The following CEP43 variants were observed in gnomAD, a reference collection of about 807,000 sequenced individuals.
The protein encoded by CEP43 is FGFR1 oncogene partner.
In CEP43, 36 loss-of-function variants were observed where a neutral mutation model predicts 52.6. That is an observed-to-expected ratio of 0.68 (90% CI 0.52 to 0.90). The LOEUF (loss-of-function observed/expected upper bound fraction) is 0.90, where lower values mean the gene tolerates loss of function less well. CEP43 is among the 40% of genes least tolerant of loss of function. CEP43 has a pLI of 0.00. For missense variants in CEP43, 506 were observed against 472.8 expected, an observed-to-expected ratio of 1.07 and a Z score of -0.65; for synonymous variants, 192 against 172.4, an observed-to-expected ratio of 1.11 and a Z score of -0.89.
chr6:167,023,735 A>G (rs2128664521), intron 8 of CEP43, among the ~76,000 whole-genome samples: 1 of 152,196 alleles, frequency 6.6e-6, no homozygotes, highest in Non-Finnish European at 1.5e-5. Flanking sequence ...GAACCAGGAG[A>G]GTGGTGTCTG....
chr6:167,003,398 T>C (rs1487027554), intron 3 of CEP43, 151 bp downstream of exon 3: 17 of 520,754 alleles, frequency 3.3e-5, no homozygotes, highest in Non-Finnish European at 5.3e-5. Flanking sequence ...ACAACAATCG[T>C]GTTGCTATTA....
At chr6:167,024,724 A>G (rs1189835446) in intron 8 of CEP43, 58 bp from the exon 9 acceptor site, 12 of 1,158,850 alleles carry the variant, frequency 1.0e-5, no homozygotes, top group Non-Finnish European at 1.3e-6. Flanking sequence ...GTGGCAGAAT[A>G]AAAGTGTTTA....
intron 1 of CEP43, 160 bp downstream of exon 1, chr6:166,999,674 C>T: frequency 2.0e-6 from 1 of 498,204 alleles, no homozygotes; most frequent in South Asian, 3.8e-5. Context: ...CTGCCCGCCC[C>T]ACAGAGGGGG....
rs1279311596 is a variant in CEP43, at chr6:167,048,995, G to T, written c.*9017G>T. 1 of 152,186 alleles carries T rather than the reference G, an allele frequency of 6.6e-6. No homozygotes were observed. The highest frequency in any genetic ancestry group is 1.5e-5 in the Non-Finnish European group (1 of 68,020). The allele number at this position is 152,186 out of a possible 1,614,324, so 9.4% of individuals were successfully genotyped here. ...CTCTCAAGAATTAAAAATCATTTTT[G>T]ATCAACAGAGTAAACTGATTTTTTA... On this transcript the variant is annotated 3_prime_UTR_variant, in exon 13 of 13. Transcript: ENST00000366847.
rs537067117 is a variant in CEP43, at chr6:167,020,357, T to G, written c.580-2052T>G. On this transcript the variant is annotated intron_variant, in intron 7 of 12. Transcript: ENST00000366847. ...TCAACTAGTCAAGACCTCTACCTGG[T>G]GTAAAGATGTAAACGTATATCATAA... Among the ~76,000 whole-genome samples, 30 of 152,334 alleles carry G rather than the reference T, an allele frequency of 2.0e-4. No individual in the cohort carries two copies. In the South Asian group the frequency reaches 6.2e-3, roughly 32 times the overall value.
chr6:167,040,749 T>TACCA lies in CEP43; in HGVS notation c.*772_*773insCCAA. The TACCA allele has an allele frequency of 9.9e-7, 1 of 1,012,130 alleles. No homozygotes were observed. The highest frequency in any genetic ancestry group is 1.2e-6 in the Non-Finnish European group (1 of 841,908). The allele number at this position is 1,012,130 out of a possible 1,614,324, so 62.7% of individuals were successfully genotyped here. On this transcript the variant is annotated 3_prime_UTR_variant, in exon 13 of 13. Transcript: ENST00000366847. ...TTATCTGTAAAGATTCCTTGAAACTTAAATGCATCTGAAACCATTAAGCAG... is the reference window on the plus strand; with the variant it reads ...TTATCTGTAAAGATTCCTTGAAACTTACCAAAATGCATCTGAAACCATTAAGCAG...
intron 12 of CEP43, chr6:167,036,555 A>T (rs1474916993): frequency 1.0e-6 from 1 of 985,328 alleles, no homozygotes; most frequent in Non-Finnish European, 1.2e-6. Flanking sequence ...AATGCATAGC[A>T]ATCTAATTCA....
At chr6:167,027,747 T>A in intron 10 of CEP43, 1 of 469,924 alleles carries the variant, frequency 2.1e-6, no homozygotes, top group Non-Finnish European at 2.8e-6. Flanking sequence ...CTGCCTTGTT[T>A]TAAAGAGTAA....
At chr6:167,016,387 G>C (rs1341617924) in intron 7 of CEP43, among the ~76,000 whole-genome samples, 1 of 152,110 alleles carries the variant, frequency 6.6e-6, no homozygotes, top group African/African-American at 2.4e-5. Flanking sequence ...TGGGTAGCTA[G>C]GACAACAGGT....
At chr6:167,003,896 C>T (rs1305580208) in intron 4 of CEP43, 85 bp downstream of exon 4, 11 of 812,608 alleles carry the variant, frequency 1.4e-5, no homozygotes, top group Non-Finnish European at 2.0e-5. Context: ...TAGAATTTGA[C>T]AACTGATAGT....
In CEP43 at chr6:167,044,092, A is replaced by T. The variant is rs902831350; in HGVS notation, c.*4114A>T. 1.3e-5 allele frequency: 2 copies of T among 152,220 alleles called. No homozygotes were observed. Among genetic ancestry groups the T allele is most frequent in the African/African-American group, 4.8e-5 (2 of 41,424 alleles). 9.4% of individuals were successfully genotyped at this position (152,220 alleles called of 1,614,324 possible). ...CCTATGAGGAAACAGGCCCTCCCAG[A>T]TGGTGAACCTGCCGGTACCTTGATC... On this transcript the variant is annotated 3_prime_UTR_variant, in exon 13 of 13. Transcript: ENST00000366847.
In CEP43 at chr6:167,010,886, C is replaced by A; in HGVS notation, c.512C>A (p.Pro171Gln). Reference sequence around the variant, plus strand: ...GGAAAAACAAGTGCACAGACAACACCAAGTAAGGTGAGTTAGCTGTGGAAC... The same window carrying A: ...GGAAAAACAAGTGCACAGACAACACAAAGTAAGGTGAGTTAGCTGTGGAAC... ...PEGKTSAQTT[P>Q]SKIPRYKGQG... Residue 171 changes from proline to glutamine, a missense_variant, in exon 6 of 13, where the codon CCA becomes CAA. Coordinates refer to ENST00000366847, the MANE Select transcript of CEP43 (RefSeq NM_007045.4). 1 of 1,590,140 alleles carries A rather than the reference C, an allele frequency of 6.3e-7. No individual in the cohort carries two copies. The highest frequency in any genetic ancestry group is 8.6e-7 in the Non-Finnish European group (1 of 1,167,334).
Position 167,040,989 on chromosome 6 carries a change from A to C in CEP43, c.*1011A>C. The stretch of plus-strand genomic sequence containing the variant: ...ATTATGTAGGTCACGGATGTTTATA[A>C]TACTAAAGTATTTTAAAATGTGCAA... On this transcript the variant is annotated 3_prime_UTR_variant, in exon 13 of 13. Coordinates refer to ENST00000366847, the MANE Select transcript of CEP43 (RefSeq NM_007045.4). The C allele has an allele frequency of 2.0e-6, 2 of 1,025,424 alleles. No individual in the cohort carries two copies. Among genetic ancestry groups the C allele is most frequent in the Non-Finnish European group, 2.3e-6 (2 of 853,074 alleles). 63.5% of individuals were successfully genotyped at this position (1,025,424 alleles called of 1,614,324 possible).
At chr6:167,035,049 A>C (rs1400757550) in intron 12 of CEP43, among the ~76,000 whole-genome samples, 2 of 152,180 alleles carry the variant, frequency 1.3e-5, no homozygotes, top group African/African-American at 4.8e-5. Context: ...AGGATTTGTG[A>C]AATGACGTGG....
intron 10 of CEP43, among the ~76,000 whole-genome samples, chr6:167,031,134 C>T: frequency 6.6e-6 from 1 of 152,174 alleles, no homozygotes; most frequent in Non-Finnish European, 1.5e-5. Context: ...GTTGCCCAGG[C>T]TGGTCTCAAA....
rs1319490880 is a variant in CEP43, at chr6:167,026,547, G to T, written c.920G>T (p.Ser307Ile). 2 of 1,573,362 alleles carry T rather than the reference G, an allele frequency of 1.3e-6. No homozygotes were observed. Among genetic ancestry groups the T allele is most frequent in the African/African-American group, 2.7e-5 (2 of 74,146 alleles). The change falls in exon 10 of 13, where the codon AGT (serine) becomes ATT (isoleucine). Residue 307 changes from serine (S) to isoleucine (I), a missense_variant and splice_region_variant. Ser to Ile is a moderately radical substitution (Grantham distance 142). Coordinates refer to ENST00000366847, the MANE Select transcript of CEP43 (RefSeq NM_007045.4). ...AGAPSLKDSE[S>I]KRGNTVLKDL... ...TGTTAATATTTTCTCCTGTTCACAG[G>T]TAAAAGGGGAAATACAGTTTTGAAA... is the stretch of plus-strand genomic sequence containing the variant.
intron 8 of CEP43, among the ~76,000 whole-genome samples, chr6:167,024,207 G>A (rs949775119): frequency 6.6e-6 from 1 of 152,190 alleles, no homozygotes; most frequent in Non-Finnish European, 1.5e-5. Context: ...TGTCACCTGA[G>A]TTCATAGTTG....
chr6:167,017,719 A>G (rs1445416956), intron 7 of CEP43, among the ~76,000 whole-genome samples: 1 of 151,178 alleles, frequency 6.6e-6, no homozygotes, highest in Non-Finnish European at 1.5e-5. Flanking sequence ...TGGCTTCTTT[A>G]TTATATGAGT....
At chr6:167,035,320 C>T (rs998025897) in intron 12 of CEP43, among the ~76,000 whole-genome samples, 5 of 152,158 alleles carry the variant, frequency 3.3e-5, no homozygotes, top group African/African-American at 1.2e-4. Context: ...ACCTGGGGAA[C>T]ACAAAAGCAT....
Sources: gnomAD v4.1 joint callset for allele counts (sites outside exome capture counted in the v4.1 genomes callset) on GRCh38, gnomAD v4.1.1 for gene constraint, MANE v1.5 for transcripts, NCBI Gene and HGNC (gene_info 2026-07-23, HGNC 2026-07-21) for gene names.